QTRT1: variants seen among roughly 807,000 people sequenced by gnomAD.
QTRT1 encodes queuine tRNA-ribosyltransferase catalytic subunit 1.
A neutral mutation model predicts 44.0 loss-of-function variants in QTRT1; 41 were observed. The observed-to-expected ratio is 0.93, with a 90% CI of 0.73 to 1.21. The LOEUF (loss-of-function observed/expected upper bound fraction) is 1.21, where lower values mean the gene tolerates loss of function less well. Among genes scored for constraint, QTRT1 ranks in the 50% most tolerant of loss-of-function variants. The pLI is 0.00. For missense variants in QTRT1, 542 were observed against 575.8 expected (o/e 0.94, Z 0.60); for synonymous variants, 226 against 237.1 (o/e 0.95, Z 0.43).
chr19:10,707,435 C>A, intron 4 of QTRT1, 55 bp downstream of exon 4: 1 of 1,609,876 alleles, frequency 6.2e-7, no homozygotes, highest in Non-Finnish European at 8.5e-7. Context: ...GATCCTGGTC[C>A]CTGTAGCCTT....
chr19:10,705,600 AT>A (rs1171313915), intron 3 of QTRT1, among the ~76,000 whole-genome samples: 1 of 148,456 alleles, frequency 6.7e-6, no homozygotes, highest in Non-Finnish European at 1.5e-5. Flanking sequence ...CTGTGGTGCA[AT>A]CTCGGCTCAC....
chr19:10,709,164 A>C (rs2068727661), intron 5 of QTRT1: 1 of 152,232 alleles, frequency 6.6e-6, no homozygotes, highest in Non-Finnish European at 1.5e-5. Flanking sequence ...GTTTGAATCC[A>C]GCCTTTGGCA....
At chr19:10,708,253 G>A (rs1002674586) in intron 5 of QTRT1, among the ~76,000 whole-genome samples, 2 of 151,958 alleles carry the variant, frequency 1.3e-5, no homozygotes, top group East Asian at 3.9e-4. Flanking sequence ...GTGAGCCACC[G>A]TACCTGGCCT....
chr19:10,704,968 T>G (rs1055350169), intron 3 of QTRT1, among the ~76,000 whole-genome samples: 1 of 150,522 alleles, frequency 6.6e-6, no homozygotes, highest in Non-Finnish European at 1.5e-5. Context: ...TAGGCTGGAG[T>G]GCAGTGGCTC....
intron 3 of QTRT1, among the ~76,000 whole-genome samples, chr19:10,703,066 G>GT: frequency 8.9e-6 from 1 of 112,442 alleles, no homozygotes; most frequent in Admixed American, 1.0e-4. Context: ...ACCACACCTG[G>GT]CTTTTTTTTT....
intron 1 of QTRT1, 45 bp from the exon 2 acceptor site, chr19:10,701,905 G>T: frequency 1.2e-6 from 2 of 1,609,336 alleles, no homozygotes; most frequent in Non-Finnish European, 1.7e-6. Flanking sequence ...AGGGCCCCCA[G>T]GGACGCGGTC....
At chr19:10,706,464 C>T (rs954171913) in intron 3 of QTRT1, among the ~76,000 whole-genome samples, 2 of 152,078 alleles carry the variant, frequency 1.3e-5, no homozygotes, top group African/African-American at 4.8e-5. Context: ...CCTCCGTCTT[C>T]CGGGTTCAAG....
At chr19:10,709,815 C>G (rs1238690477) in intron 5 of QTRT1, among the ~76,000 whole-genome samples, 2 of 151,820 alleles carry the variant, frequency 1.3e-5, no homozygotes, top group Non-Finnish European at 2.9e-5. Flanking sequence ...TGCCACTGCA[C>G]TCCAGCCTGG....
At position 10,713,063 on chromosome 19, in the gene QTRT1, G is replaced by A. The variant is rs2068746949; in HGVS notation, c.1059+23G>A. 1.9e-6 allele frequency: 3 copies of A among 1,609,436 alleles called. No individual in the cohort carries two copies. In the East Asian group the frequency reaches 6.7e-5, roughly 36 times the overall value. ...CAGGTGAGCCAGTGCCCGGGGCAAG[G>A]TGGGCGGGGGTGTCCTAGGTGCGTA... On this transcript the variant is annotated intron_variant, in intron 9 of 9. Coordinates refer to ENST00000250237, the MANE Select transcript of QTRT1 (RefSeq NM_031209.3). The surrounding 1 kb of genome is among the most constrained non-coding windows in gnomAD (Gnocchi z 4.3).
In QTRT1 at chr19:10,713,041, G is replaced by A. The variant is rs1051380883; in HGVS notation, c.1059+1G>A. On this transcript the variant is annotated splice_donor_variant, in intron 9 of 9. Transcript: ENST00000250237. LOFTEE classifies it high-confidence loss of function. This position sits in a 1 kb window ranked among gnomAD's most constrained non-coding sequence, Gnocchi z 4.3. ...CACGGTCCACAACATCGCCTACCAGGTGAGCCAGTGCCCGGGGCAAGGTGG... is the reference window on the plus strand; with the variant it reads ...CACGGTCCACAACATCGCCTACCAGATGAGCCAGTGCCCGGGGCAAGGTGG... 1.7e-5 allele frequency: 27 copies of A among 1,610,786 alleles called. No individual in the cohort carries two copies. The highest frequency in any genetic ancestry group is 2.1e-5 in the Non-Finnish European group (25 of 1,179,900).
At chr19:10,702,759 CTTTTTTTTTTTTTTT>C (rs34948949) in intron 3 of QTRT1, among the ~76,000 whole-genome samples, 7 of 68,544 alleles carry the variant, frequency 1.0e-4, no homozygotes, top group African/African-American at 2.8e-4. Flanking sequence ...CAATATCCTT[CTTTTTTTTTTTTTTT>C]TTTTTTTTTT....
At position 10,713,072 on chromosome 19, in the gene QTRT1, G is replaced by T. The variant is rs763182820; in HGVS notation, c.1059+32G>T. The T allele has an allele frequency of 5.6e-6, 9 of 1,608,806 alleles. No homozygotes were observed. Among genetic ancestry groups the T allele is most frequent in the African/African-American group, 1.3e-5 (1 of 74,928 alleles). ...CAGTGCCCGGGGCAAGGTGGGCGGG[G>T]GTGTCCTAGGTGCGTATGCCCCACG... On this transcript the variant is annotated intron_variant, in intron 9 of 9. Transcript: ENST00000250237. This position sits in a 1 kb window ranked among gnomAD's most constrained non-coding sequence, Gnocchi z 4.3.
In QTRT1 at chr19:10,712,761, T is replaced by A; in HGVS notation, c.865T>A (p.Phe289Ile). Residue 289 changes from phenylalanine to isoleucine, a missense_variant, in exon 8 of 10, where the codon TTT (phenylalanine) becomes ATT (isoleucine). Phe to Ile is a conservative substitution (Grantham distance 21). Transcript: ENST00000250237. The surrounding 1 kb of genome is among the most constrained non-coding windows in gnomAD (Gnocchi z 5.6). ...DCVFPTRTAR[F>I]GSALVPTGNL... ...CCCTGCCCTTCCTCTCCCACAGCGC[T>A]TTGGCTCTGCCCTGGTGCCCACTGG... The A allele has an allele frequency of 6.2e-7, 1 of 1,613,742 alleles. No individual in the cohort carries two copies. The highest frequency in any genetic ancestry group is 8.5e-7 in the Non-Finnish European group (1 of 1,179,788).
chr19:10,702,168 A>C lies in QTRT1; in HGVS notation c.365A>C (p.Glu122Ala). ...CTGGTGTCTCTGTCCGAGGTGACGG[A>C]GGAGGGCGTCCGCTTCCGCTCCCCC... ...VSLVSLSEVT[E>A]EGVRFRSPYD... The change falls in exon 3 of 10, where the codon GAG (glutamate) becomes GCG (alanine). Residue 122 changes from glutamate to alanine, a missense_variant. Glu to Ala is a moderately radical substitution (Grantham distance 107). Coordinates refer to ENST00000250237, the MANE Select transcript of QTRT1 (RefSeq NM_031209.3). 1 of 1,614,004 alleles carries C rather than the reference A, an allele frequency of 6.2e-7. No homozygotes were observed. Among genetic ancestry groups the C allele is most frequent in the South Asian group, 1.1e-5 (1 of 91,080 alleles).
intron 3 of QTRT1, among the ~76,000 whole-genome samples, chr19:10,704,799 C>T (rs1195692513): frequency 1.3e-5 from 2 of 151,760 alleles, no homozygotes; most frequent in East Asian, 3.9e-4. Flanking sequence ...GTTGGTCAGG[C>T]TGGTCTTGAA....
In QTRT1 at chr19:10,712,528, C is replaced by G. The variant is rs368902930; in HGVS notation, c.786-25C>G. The G allele has an allele frequency of 4.4e-6, 7 of 1,607,224 alleles. No individual in the cohort carries two copies. Among genetic ancestry groups the G allele is most frequent in the African/African-American group, 1.3e-5 (1 of 74,768 alleles). ...GGGAAGCCCCTGAGGTTCTCTGCCC[C>G]CTCCCGTCATGGCTGCAACCCCAGC... is the stretch of plus-strand genomic sequence containing the variant. On this transcript the variant is annotated intron_variant, in intron 6 of 9. Transcript: ENST00000250237. The surrounding 1 kb of genome is among the most constrained non-coding windows in gnomAD (Gnocchi z 5.6).
intron 5 of QTRT1, among the ~76,000 whole-genome samples, chr19:10,710,394 G>A (rs1485626260): frequency 6.6e-6 from 1 of 152,018 alleles, no homozygotes; most frequent in East Asian, 2.0e-4. Context: ...TCGGCTCACT[G>A]CAACCTCTGC....
chr19:10,707,378 C>T lies in QTRT1; in HGVS notation c.528C>T (p.Tyr176=). ...VTGPRVEEAM[Y]RSIRWLDRCI... The stretch of plus-strand genomic sequence containing the variant: ...GGCCACGTGTGGAGGAGGCCATGTA[C>T]AGGTGTGTATATGCTGTGTGCATGT... Residue 176 remains tyrosine, a splice_region_variant and synonymous_variant, in exon 4 of 10, where the codon TAC becomes TAT. Transcript: ENST00000250237. The T allele has an allele frequency of 6.2e-7, 1 of 1,613,774 alleles. No individual in the cohort carries two copies. Among genetic ancestry groups the T allele is most frequent in the South Asian group, 1.1e-5 (1 of 91,074 alleles).
rs1161943017 is a variant in QTRT1, at chr19:10,712,327, C to T, written c.785+28C>T. On this transcript the variant is annotated intron_variant, in intron 6 of 9. Transcript: ENST00000250237. This position sits in a 1 kb window ranked among gnomAD's most constrained non-coding sequence, Gnocchi z 5.6. ...ATGTTGTGGATAGGGAAGCCAGAGC[C>T]CTACCTGTGGGAAGTGGATTCCTGG... 7.6e-6 allele frequency: 12 copies of T among 1,588,514 alleles called. No individual in the cohort carries two copies. The highest frequency in any genetic ancestry group is 1.0e-5 in the Non-Finnish European group (12 of 1,166,576).
Sources: allele counts gnomAD v4.1 joint callset (sites outside exome capture counted in the v4.1 genomes callset), GRCh38; gene constraint gnomAD v4.1.1; non-coding constraint Gnocchi (gnomAD v3.1); transcripts MANE v1.5; gene names NCBI Gene and HGNC (gene_info 2026-07-23, HGNC 2026-07-21).